RAB21: variants seen among roughly 807,000 people sequenced by gnomAD.
The protein encoded by RAB21 is ras-related protein Rab-21.
RAB21 carries 13 observed loss-of-function variants against 33.1 expected under a neutral mutation model. The ratio of observed to expected loss-of-function variants is 0.39; its 90% CI spans 0.26 to 0.62. RAB21 has a LOEUF of 0.62. Among genes scored for constraint, RAB21 ranks in the 20% least tolerant of loss-of-function variants. The pLI is 0.48. For synonymous variants in RAB21, 91 were observed against 103.7 expected, an observed-to-expected ratio of 0.88 and a Z score of 0.74; for missense variants, 234 against 279.1, an observed-to-expected ratio of 0.84 and a Z score of 1.15.
chr12:71,789,807 TTC>T lies in RAB21; in HGVS notation c.*4136_*4137del, dbSNP rs1404468837. The T allele has an allele frequency of 6.6e-6, 1 of 152,164 alleles. No individual in the cohort carries two copies. The highest frequency in any genetic ancestry group is 2.4e-5 in the African/African-American group (1 of 41,458). The allele number at this position is 152,164 out of a possible 1,614,324, so 9.4% of individuals were successfully genotyped here. The stretch of plus-strand genomic sequence containing the variant: ...CTATAACAGAGTAATATATTTGGTG[TTC>T]TGGACCAAAATTCGTGCTACACATA... On this transcript the variant is annotated 3_prime_UTR_variant, in exon 7 of 7. Coordinates refer to ENST00000261263, the MANE Select transcript of RAB21 (RefSeq NM_014999.4).
chr12:71,771,154 T>G (rs1172721686), intron 3 of RAB21, among the ~76,000 whole-genome samples: 1 of 152,202 alleles, frequency 6.6e-6, no homozygotes, highest in Admixed American at 6.5e-5. Flanking sequence ...GCTTTCTCCT[T>G]GCCAAATATA....
chr12:71,767,222 T>C (rs1882974518), intron 1 of RAB21, among the ~76,000 whole-genome samples: 1 of 152,176 alleles, frequency 6.6e-6, no homozygotes, highest in African/African-American at 2.4e-5. Context: ...GTACAAGTGT[T>C]TTTGTGTATC....
Position 71,794,796 on chromosome 12 carries a change from G to T in RAB21, c.*9123G>T, listed in dbSNP as rs1883445583. On this transcript the variant is annotated 3_prime_UTR_variant, in exon 7 of 7. Transcript: ENST00000261263. ...ATTATATATATATAAAATTAACCGG[G>T]CATGGTAGTGAGCCCCTGTAATCCC... The T allele has an allele frequency of 6.8e-6, 1 of 147,870 alleles. No individual in the cohort carries two copies. 9.2% of individuals were successfully genotyped at this position (147,870 alleles called of 1,614,324 possible).
chr12:71,764,071 C>T (rs1055172951), intron 1 of RAB21, among the ~76,000 whole-genome samples: 9 of 152,146 alleles, frequency 5.9e-5, no homozygotes, highest in African/African-American at 2.2e-4. Context: ...TTTTTCTCCC[C>T]TTCCTATAGT....
intron 1 of RAB21, among the ~76,000 whole-genome samples, chr12:71,758,420 G>C (rs185093403): frequency 1.3e-5 from 2 of 152,176 alleles, no homozygotes; most frequent in Non-Finnish European, 2.9e-5. Context: ...GTTGAAGATA[G>C]CTATCTTGTC....
At chr12:71,769,577 T>C (rs1040913604) in intron 1 of RAB21, among the ~76,000 whole-genome samples, 1 of 152,184 alleles carries the variant, frequency 6.6e-6, no homozygotes, top group Non-Finnish European at 1.5e-5. Flanking sequence ...ATTTTCTGTG[T>C]GTTTTGTATA....
chr12:71,775,620 T>A, intron 4 of RAB21, among the ~76,000 whole-genome samples: 1 of 152,244 alleles, frequency 6.6e-6, no homozygotes, highest in African/African-American at 2.4e-5. Flanking sequence ...CACTGCAACC[T>A]CCGCCTCCTG....
chr12:71,785,501 C>T, intron 6 of RAB21, 30 bp from the exon 7 acceptor site: 4 of 1,609,372 alleles, frequency 2.5e-6, no homozygotes, highest in Middle Eastern at 1.7e-4. Flanking sequence ...TATTGTGGTC[C>T]TAATAATGTT....
At chr12:71,784,724 T>G (rs765404509) in intron 6 of RAB21, among the ~76,000 whole-genome samples, 11 of 152,146 alleles carry the variant, frequency 7.2e-5, no homozygotes, top group Non-Finnish European at 1.5e-4. Context: ...TTATACTAGT[T>G]CTTGCAATCA....
rs1054635075 is a variant in RAB21 at position 71,773,999 on chromosome 12, A to G, written c.368A>G (p.Asn123Ser). The change falls in exon 4 of 7, where the codon AAT (asparagine) becomes AGT (serine). Residue 123 changes from asparagine to serine, a missense_variant. Physicochemically the swap from Asn to Ser is conservative, Grantham distance 46. Coordinates refer to ENST00000261263, the MANE Select transcript of RAB21 (RefSeq NM_014999.4). ...WVKELRKMLG[N>S]EICLCIVGNK... ...AAAGAATTACGGAAAATGTTGGGAA[A>G]TGAAATCTGTTTATGTATAGTTGGT... 2 of 1,594,968 alleles carry G rather than the reference A, an allele frequency of 1.3e-6. No individual in the cohort carries two copies. The highest frequency in any genetic ancestry group is 1.7e-6 in the Non-Finnish European group (2 of 1,170,932).
At chr12:71,777,467 C>A (rs1883138730) in intron 4 of RAB21, among the ~76,000 whole-genome samples, 2 of 151,954 alleles carry the variant, frequency 1.3e-5, no homozygotes, top group African/African-American at 4.8e-5. Flanking sequence ...ATTGTTTTTC[C>A]CACTTCTTGA....
rs1592655458 is a variant in RAB21, at chr12:71,795,818, T to C, written c.*10145T>C. On this transcript the variant is annotated 3_prime_UTR_variant, in exon 7 of 7. Transcript: ENST00000261263. The stretch of plus-strand genomic sequence containing the variant: ...GTAGAATTTTGTGTCCAAAAATCCT[T>C]AGTCTGTGATGGAATTTTTTAAAGT... 1.5e-5 allele frequency: 2 copies of C among 137,684 alleles called. 1 individual carries two copies. Among genetic ancestry groups the C allele is most frequent in the East Asian group, 5.5e-4 (2 of 3,666 alleles). 8.5% of individuals were successfully genotyped at this position (137,684 alleles called of 1,614,324 possible).
chr12:71,774,645 T>C (rs1883093471), intron 4 of RAB21, among the ~76,000 whole-genome samples: 2 of 150,924 alleles, frequency 1.3e-5, no homozygotes, highest in African/African-American at 4.9e-5. Flanking sequence ...TAATCCCAGC[T>C]ACTTGGGAGG....
chr12:71,785,900 G>GTT lies in RAB21; in HGVS notation c.*235_*236dup, dbSNP rs369714985. The stretch of plus-strand genomic sequence containing the variant: ...AAATGTTTTTTTTTGTTTTTTTTTT[G>GTT]TTTTTTTTTGTTTTTTTTTGAGACG... On this transcript the variant is annotated 3_prime_UTR_variant, in exon 7 of 7. Coordinates refer to ENST00000261263, the MANE Select transcript of RAB21 (RefSeq NM_014999.4). 710 of 345,000 alleles carry GTT rather than the reference G, an allele frequency of 2.1e-3. 2 individuals are homozygous for GTT. Among genetic ancestry groups the GTT allele is most frequent in the African/African-American group, 7.6e-3 (296 of 39,014 alleles). 21.4% of individuals were successfully genotyped at this position (345,000 alleles called of 1,614,324 possible). A position where few individuals can be genotyped will look rare whatever the true frequency, so the allele number is the denominator to read the frequency against.
rs73348170 is a variant in RAB21 at position 71,788,431 on chromosome 12, T to A, written c.*2758T>A. ...ACAATAGACAACATGATATGGCTGC[T>A]GTCACTTTGAAACCCAAAAGGTCTT... is the stretch of plus-strand genomic sequence containing the variant. On this transcript the variant is annotated 3_prime_UTR_variant, in exon 7 of 7. Coordinates refer to ENST00000261263, the MANE Select transcript of RAB21 (RefSeq NM_014999.4). 6.6e-6 allele frequency: 1 copy of A among 152,296 alleles called. No individual in the cohort carries two copies. The highest frequency in any genetic ancestry group is 2.4e-5 in the African/African-American group (1 of 41,570). 9.4% of individuals were successfully genotyped at this position (152,296 alleles called of 1,614,324 possible).
Position 71,797,572 on chromosome 12 carries a change from T to C in RAB21, c.*11899T>C, listed in dbSNP as rs1320451727. The C allele has an allele frequency of 1.6e-5, 1 of 62,156 alleles. No individual in the cohort carries two copies. Among genetic ancestry groups the C allele is most frequent in the African/African-American group, 7.1e-5 (1 of 14,022 alleles). 3.9% of individuals were successfully genotyped at this position (62,156 alleles called of 1,614,324 possible). ...ATTGAATGCAATCCCAATAAAAATA[T>C]AAGGATTAAAAAAAAAAAAAACTAG... is the stretch of plus-strand genomic sequence containing the variant. On this transcript the variant is annotated 3_prime_UTR_variant, in exon 7 of 7. Transcript: ENST00000261263.
rs1475831311 is a variant in RAB21, at chr12:71,796,398, A to G, written c.*10725A>G. The G allele has an allele frequency of 2.9e-5, 4 of 137,458 alleles. 2 individuals carry two copies. In the East Asian group the frequency reaches 1.1e-3, roughly 37 times the overall value. The allele number at this position is 137,458 out of a possible 1,614,324, so 8.5% of individuals were successfully genotyped here. Reference sequence around the variant, plus strand: ...TTCATCTTATGAAAGATTAACTTAGAGGTTAGAATGCTTACATTTGCAAAT... The same window carrying G: ...TTCATCTTATGAAAGATTAACTTAGGGGTTAGAATGCTTACATTTGCAAAT... On this transcript the variant is annotated 3_prime_UTR_variant, in exon 7 of 7. Coordinates refer to ENST00000261263, the MANE Select transcript of RAB21 (RefSeq NM_014999.4).
chr12:71,766,064 A>AAT (rs1228188000), intron 1 of RAB21, among the ~76,000 whole-genome samples: 2 of 152,148 alleles, frequency 1.3e-5, no homozygotes, highest in African/African-American at 4.8e-5. Flanking sequence ...ATCCTTTGAT[A>AAT]ATATGCTTTA....
intron 1 of RAB21, among the ~76,000 whole-genome samples, chr12:71,760,500 A>G (rs891245132): frequency 6.6e-6 from 1 of 152,244 alleles, no homozygotes; most frequent in Non-Finnish European, 1.5e-5. Flanking sequence ...CGAAGGCAAT[A>G]CTGTTGAATC....
Sources: gnomAD v4.1 joint callset for allele counts (sites outside exome capture counted in the v4.1 genomes callset) on GRCh38, gnomAD v4.1.1 for gene constraint, MANE v1.5 for transcripts, NCBI Gene and HGNC (gene_info 2026-07-23, HGNC 2026-07-21) for gene names.